The following LHFPL2 variants were observed in gnomAD, a reference collection of about 807,000 sequenced individuals.
LHFPL2 encodes LHFPL tetraspan subfamily member 2 protein.
Under a neutral mutation model 17.5 loss-of-function variants are expected in LHFPL2, and 7 were observed. The ratio of observed to expected loss-of-function variants is 0.40; its 90% CI spans 0.23 to 0.75. The LOEUF is 0.75. Among genes scored for constraint, LHFPL2 ranks in the 30% least tolerant of loss-of-function variants. The pLI, the probability that LHFPL2 is intolerant of heterozygous loss-of-function variation, is 0.37. For synonymous variants in LHFPL2, 134 were observed against 116.2 expected (o/e 1.15, Z -0.99); for missense variants, 241 against 294.8 (o/e 0.82, Z 1.34).
rs140234654 is a variant in LHFPL2, at chr5:78,539,530, G to T, written c.-186+25283C>A. 8.2e-3 allele frequency among the ~76,000 whole-genome samples: 1,245 copies of T among 152,156 alleles called. 10 individuals are homozygous for T. Among genetic ancestry groups the T allele is most frequent in the Non-Finnish European group, 0.011 (772 of 67,990 alleles). ...ATATCGTATGCACTCAGTTAAGGTG[G>T]TTACTGCTATTATTACACATGGTGC... On this transcript the variant is annotated intron_variant, in intron 3 of 4. Coordinates refer to ENST00000380345, the MANE Select transcript of LHFPL2 (RefSeq NM_005779.3).
chr5:78,523,128 G>A (rs1011257466), intron 3 of LHFPL2, among the ~76,000 whole-genome samples: 1 of 151,972 alleles, frequency 6.6e-6, no homozygotes. Flanking sequence ...GTGTGTGTGT[G>A]TGTGTGTGTA....
At chr5:78,631,910 T>C in intron 2 of LHFPL2, among the ~76,000 whole-genome samples, 1 of 136,622 alleles carries the variant, frequency 7.3e-6, no homozygotes. Context: ...CACTCCAGCC[T>C]GGCCTACAGA....
chr5:78,597,714 G>A (rs555830080), intron 2 of LHFPL2, among the ~76,000 whole-genome samples: 2 of 152,282 alleles, frequency 1.3e-5, no homozygotes, highest in Non-Finnish European at 2.9e-5. Flanking sequence ...AGTATTCAAT[G>A]AACACTTACC....
chr5:78,530,925 A>G (rs1755764518), intron 3 of LHFPL2, among the ~76,000 whole-genome samples: 1 of 152,214 alleles, frequency 6.6e-6, no homozygotes, highest in Admixed American at 6.5e-5. Flanking sequence ...TTGAGTAAGC[A>G]GAGGGTAACA....
intron 3 of LHFPL2, among the ~76,000 whole-genome samples, chr5:78,561,615 G>C (rs1756729508): frequency 6.6e-6 from 1 of 152,162 alleles, no homozygotes; most frequent in Non-Finnish European, 1.5e-5. Context: ...CAAACATGAG[G>C]GGTTTTAAAA....
intron 3 of LHFPL2, among the ~76,000 whole-genome samples, 157 bp downstream of exon 3, chr5:78,564,656 T>C (rs942718929): frequency 1.3e-5 from 2 of 152,252 alleles, no homozygotes; most frequent in African/African-American, 2.4e-5. Flanking sequence ...TTATGTATGC[T>C]GATCCAAGTG....
rs565552602 is a variant in LHFPL2 at position 78,627,823 on chromosome 5, G to C, written c.-245+4441C>G. 2.8e-4 allele frequency among the ~76,000 whole-genome samples: 43 copies of C among 152,294 alleles called. 1 individual carries two copies. The South Asian group carries it at 8.9e-3, about 32-fold the overall frequency. ...CACTCCGAATAATGCTCAACTCAAA[G>C]GAATTTGTCCGATGACCACTATGCT... is the stretch of plus-strand genomic sequence containing the variant. On this transcript the variant is annotated intron_variant, in intron 2 of 4. Coordinates refer to ENST00000380345, the MANE Select transcript of LHFPL2 (RefSeq NM_005779.3).
chr5:78,580,698 G>T (rs1425543144), intron 2 of LHFPL2, among the ~76,000 whole-genome samples: 1 of 152,110 alleles, frequency 6.6e-6, no homozygotes, highest in Non-Finnish European at 1.5e-5. Context: ...CTGTTCCATC[G>T]GTCTATTATC....
intron 2 of LHFPL2, 48 bp downstream of exon 2, chr5:78,632,216 G>A (rs992359779): frequency 6.6e-6 from 1 of 152,066 alleles, no homozygotes; most frequent in Non-Finnish European, 1.5e-5. Context: ...GAGAACATCG[G>A]GTGGTTATCA....
At chr5:78,523,019 G>A (rs57918871) in intron 3 of LHFPL2, among the ~76,000 whole-genome samples, 5,869 of 152,216 alleles carry the variant, frequency 0.039, 388 homozygotes, top group African/African-American at 0.13. Flanking sequence ...TAGAAGTCAA[G>A]AAGGGTGGAC....
chr5:78,487,023 G>GTGTT lies in LHFPL2; in HGVS notation c.*1870_*1873dup, dbSNP rs374727924. The GTGTT allele has an allele frequency of 1.3e-3, 204 of 152,264 alleles. No homozygotes were observed. Among genetic ancestry groups the GTGTT allele is most frequent in the African/African-American group, 4.5e-3 (189 of 41,552 alleles). 9.4% of individuals were successfully genotyped at this position (152,264 alleles called of 1,614,324 possible). ...GGCTCCTCCAGCCTCTTTCTGTGTGGTGTTAGAGATATGGTTAAGGTTTCC... is the reference window on the plus strand; with the variant it reads ...GGCTCCTCCAGCCTCTTTCTGTGTGGTGTTTGTTAGAGATATGGTTAAGGTTTCC... On this transcript the variant is annotated 3_prime_UTR_variant, in exon 5 of 5. Transcript: ENST00000380345.
intron 2 of LHFPL2, among the ~76,000 whole-genome samples, chr5:78,589,534 A>G (rs1743552583): frequency 6.6e-6 from 1 of 152,166 alleles, no homozygotes; most frequent in South Asian, 2.1e-4. Flanking sequence ...TCATTGCAAA[A>G]AAACAGCATT....
Position 78,497,523 on chromosome 5 carries a change from CTTT to C in LHFPL2, c.431-8373_431-8371del, listed in dbSNP as rs553859096. Reference sequence around the variant, plus strand: ...GACAGGGAACTTTATGCAGTTTGTTCTTTGTGTCCCAACTGCCTAGAACAAGGT... The same window carrying C: ...GACAGGGAACTTTATGCAGTTTGTTCGTGTCCCAACTGCCTAGAACAAGGT... On this transcript the variant is annotated intron_variant, in intron 4 of 4. Transcript: ENST00000380345. Among the ~76,000 whole-genome samples the C allele has an allele frequency of 9.2e-5, 14 of 152,284 alleles. No individual in the cohort carries two copies. In the South Asian group the frequency reaches 2.5e-3, roughly 27 times the overall value.
intron 2 of LHFPL2, among the ~76,000 whole-genome samples, chr5:78,602,421 T>C (rs75956293): frequency 2.0e-5 from 3 of 152,274 alleles, no homozygotes; most frequent in African/African-American, 4.8e-5. Flanking sequence ...GAAAGAAACA[T>C]ATCCTTCTCA....
chr5:78,490,894 T>C (rs931317347), intron 4 of LHFPL2, among the ~76,000 whole-genome samples: 2 of 152,220 alleles, frequency 1.3e-5, no homozygotes, highest in African/African-American at 4.8e-5. Flanking sequence ...AATTCTATCC[T>C]GGTGAATTAA....
rs1170874530 is a variant in LHFPL2, at chr5:78,488,914, G to C, written c.670C>G (p.Leu224Val). 1.2e-6 allele frequency: 2 copies of C among 1,613,950 alleles called. No homozygotes were observed. Among genetic ancestry groups the C allele is most frequent in the African/African-American group, 1.3e-5 (1 of 74,936 alleles). ...VQEEIEEGKNLICLL is the reference protein window; with the variant it reads ...VQEEIEEGKNVICLL Reference sequence around the variant, plus strand: ...CTTCCAAACTAAAGGAGGCAGATCAGATTTTTCCCCTCTTCAATTTCTTCC... The same window carrying C: ...CTTCCAAACTAAAGGAGGCAGATCACATTTTTCCCCTCTTCAATTTCTTCC... Residue 224 changes from leucine (L) to valine (V), a missense_variant, in exon 5 of 5, where the codon CTG becomes GTG. Transcript: ENST00000380345.
chr5:78,495,065 G>A (rs573239764), intron 4 of LHFPL2, among the ~76,000 whole-genome samples: 1 of 152,278 alleles, frequency 6.6e-6, no homozygotes, highest in Non-Finnish European at 1.5e-5. Flanking sequence ...AATCCCTTAG[G>A]TGGGAAGAAA....
At chr5:78,563,173 C>T (rs1756774867) in intron 3 of LHFPL2, among the ~76,000 whole-genome samples, 1 of 152,168 alleles carries the variant, frequency 6.6e-6, no homozygotes, top group Admixed American at 6.5e-5. Context: ...CACTATCAAC[C>T]CCAGTGTCAT....
At chr5:78,523,364 T>C (rs954056814) in intron 3 of LHFPL2, among the ~76,000 whole-genome samples, 4 of 152,122 alleles carry the variant, frequency 2.6e-5, no homozygotes, top group South Asian at 4.2e-4. Context: ...ACTTTAAATA[T>C]GTTAGGCACT....
Sources: allele counts gnomAD v4.1 joint callset (sites outside exome capture counted in the v4.1 genomes callset), GRCh38; gene constraint gnomAD v4.1.1; transcripts MANE v1.5; gene names NCBI Gene and HGNC (gene_info 2026-07-23, HGNC 2026-07-21).